ADAM12: variants seen among roughly 807,000 people sequenced by gnomAD.
ADAM12 encodes the protein ADAM metallopeptidase domain 12.
In ADAM12, 70 loss-of-function variants were observed where a neutral mutation model predicts 106.4. The ratio of observed to expected loss-of-function variants is 0.66; its 90% confidence interval spans 0.54 to 0.80. ADAM12 has a LOEUF of 0.80. Ranked by LOEUF, ADAM12 falls within the 30% of genes least tolerant of loss-of-function variation. ADAM12 has a pLI of 0.00. For missense variants in ADAM12, 1,010 were observed against 1,171.9 expected, an observed-to-expected ratio of 0.86 and a Z score of 2.02; for synonymous variants, 420 against 433.5, an observed-to-expected ratio of 0.97 and a Z score of 0.39.
intron 3 of ADAM12, among the ~76,000 whole-genome samples, chr10:126,256,602 T>A (rs1958897804): frequency 6.6e-6 from 1 of 152,226 alleles, no homozygotes; most frequent in Non-Finnish European, 1.5e-5. Context: ...CACTTCCATC[T>A]ACTTCCACTT....
At chr10:126,092,893 C>T (rs1955492021) in intron 11 of ADAM12, among the ~76,000 whole-genome samples, 1 of 152,200 alleles carries the variant, frequency 6.6e-6, no homozygotes, top group African/African-American at 2.4e-5. Context: ...AACTATTTCC[C>T]AGGAGGCCCA....
At chr10:126,314,492 T>C (rs989018437) in intron 2 of ADAM12, among the ~76,000 whole-genome samples, 7 of 152,148 alleles carry the variant, frequency 4.6e-5, no homozygotes, top group Non-Finnish European at 8.8e-5. Flanking sequence ...TGCTTTGAAT[T>C]TGGGACAAAT....
intron 14 of ADAM12, among the ~76,000 whole-genome samples, chr10:126,056,400 A>C (rs1365853981): frequency 1.3e-5 from 2 of 152,222 alleles, no homozygotes; most frequent in Non-Finnish European, 2.9e-5. Context: ...TATGGAATCA[A>C]AGGCCCGAAT....
intron 2 of ADAM12, among the ~76,000 whole-genome samples, chr10:126,322,460 G>A (rs1854133977): frequency 6.6e-6 from 1 of 152,226 alleles, no homozygotes; most frequent in Admixed American, 6.5e-5. Context: ...GGAGACATCT[G>A]TGACTAGAAG....
At chr10:126,083,368 G>T (rs972689976) in intron 11 of ADAM12, among the ~76,000 whole-genome samples, 1 of 152,192 alleles carries the variant, frequency 6.6e-6, no homozygotes, top group Non-Finnish European at 1.5e-5. Flanking sequence ...CAACCACACC[G>T]TCTCGAGGGC....
intron 3 of ADAM12, among the ~76,000 whole-genome samples, chr10:126,244,118 G>A (rs2133661559): frequency 6.6e-6 from 1 of 152,178 alleles, no homozygotes; most frequent in East Asian, 1.9e-4. Context: ...TGATGGTCTT[G>A]AATACTTGGC....
At chr10:126,250,309 A>C (rs950756561) in intron 3 of ADAM12, among the ~76,000 whole-genome samples, 1 of 152,204 alleles carries the variant, frequency 6.6e-6, no homozygotes, top group African/African-American at 2.4e-5. Flanking sequence ...TTTGAGAACA[A>C]ACAGTGCTCT....
chr10:126,019,477 C>T (rs748940688), intron 22 of ADAM12, among the ~76,000 whole-genome samples: 3 of 152,194 alleles, frequency 2.0e-5, no homozygotes, highest in Non-Finnish European at 4.4e-5. Context: ...TCCACTGTGG[C>T]TGTTGATAGG....
chr10:126,222,894 G>A (rs866764934), intron 3 of ADAM12, among the ~76,000 whole-genome samples: 1 of 152,044 alleles, frequency 6.6e-6, no homozygotes, highest in Non-Finnish European at 1.5e-5. Context: ...TATCCAATGC[G>A]TAGTCCAATT....
intron 1 of ADAM12, 135 bp downstream of exon 1, chr10:126,387,923 C>G (rs1856732937): frequency 8.9e-6 from 10 of 1,122,180 alleles, no homozygotes; most frequent in Non-Finnish European, 8.8e-6. Flanking sequence ...GCGCTGGAAG[C>G]GCAAGCCCCG....
At chr10:126,118,834 T>C (rs1436778931) in intron 5 of ADAM12, among the ~76,000 whole-genome samples, 1 of 152,238 alleles carries the variant, frequency 6.6e-6, no homozygotes, top group African/African-American at 2.4e-5. Flanking sequence ...CATAGCTTAC[T>C]TCCCACTTAG....
Position 126,015,724 on chromosome 10 carries a change from G to C in ADAM12, c.*1555C>G, listed in dbSNP as rs2133367130. On this transcript the variant is annotated 3_prime_UTR_variant, in exon 23 of 23. Transcript: ENST00000448723. ...TTCTGTTTCAAAGCATAGGAAAACT[G>C]TTGACCCCCAAAAGAAGGCTTTCTC... is the stretch of plus-strand genomic sequence containing the variant. The C allele has an allele frequency of 6.6e-6, 1 of 152,298 alleles. No individual in the cohort carries two copies. The highest frequency in any genetic ancestry group is 1.5e-5 in the Non-Finnish European group (1 of 68,016). 9.4% of individuals were successfully genotyped at this position (152,298 alleles called of 1,614,324 possible). A position where few individuals can be genotyped will look rare whatever the true frequency, so the allele number is the denominator to read the frequency against.
In ADAM12 at chr10:126,287,938, G is replaced by A. The variant is rs184520075; in HGVS notation, c.187-8950C>T. ...GCTCCACATTACAGTCCCCACACCCGGAGCAGGGCCACCGAGATGCCTCTG... is the reference window on the plus strand; with the variant it reads ...GCTCCACATTACAGTCCCCACACCCAGAGCAGGGCCACCGAGATGCCTCTG... On this transcript the variant is annotated intron_variant, in intron 2 of 22. Transcript: ENST00000448723. Among the ~76,000 whole-genome samples, 453 of 148,988 alleles carry A rather than the reference G, an allele frequency of 3.0e-3. 1 individual carries two copies. Among genetic ancestry groups the A allele is most frequent in the African/African-American group, 0.01 (421 of 40,430 alleles).
chr10:126,183,942 T>A (rs932746674), intron 3 of ADAM12, among the ~76,000 whole-genome samples: 2 of 152,272 alleles, frequency 1.3e-5, no homozygotes, highest in African/African-American at 4.8e-5. Flanking sequence ...AATAAATGTT[T>A]ATGTAACACA....
intron 1 of ADAM12, among the ~76,000 whole-genome samples, chr10:126,338,290 T>C (rs866765440): frequency 1.0e-4 from 14 of 140,076 alleles, no homozygotes; most frequent in Non-Finnish European, 9.1e-5. Context: ...TCTCGCTCTG[T>C]CGCCCAGGCT....
chr10:126,200,724 C>G (rs1381694824), intron 3 of ADAM12, among the ~76,000 whole-genome samples: 2 of 152,154 alleles, frequency 1.3e-5, no homozygotes, highest in East Asian at 3.9e-4. Context: ...ATGAGAAGCT[C>G]TAAATGGTTC....
At chr10:126,093,706 T>C (rs1428545607) in intron 11 of ADAM12, among the ~76,000 whole-genome samples, 1 of 152,226 alleles carries the variant, frequency 6.6e-6, no homozygotes, top group Non-Finnish European at 1.5e-5. Context: ...GACAGGAAGA[T>C]AATTAGCGAT....
intron 1 of ADAM12, among the ~76,000 whole-genome samples, chr10:126,368,467 T>C (rs1045819758): frequency 7.9e-5 from 12 of 151,856 alleles, no homozygotes; most frequent in Non-Finnish European, 1.5e-4. Context: ...AAAATTACTA[T>C]GAGTTTATCA....
chr10:126,184,530 A>G (rs957470296), intron 3 of ADAM12, among the ~76,000 whole-genome samples: 5 of 152,186 alleles, frequency 3.3e-5, no homozygotes, highest in African/African-American at 1.2e-4. Context: ...CTTATGATGA[A>G]GTGGCAAAAG....
Sources: allele counts gnomAD v4.1 joint callset (sites outside exome capture counted in the v4.1 genomes callset), GRCh38; gene constraint gnomAD v4.1.1; transcripts MANE v1.5; gene names NCBI Gene and HGNC (gene_info 2026-07-23, HGNC 2026-07-21).